Variants in TRAPPC8 observed in about 807,000 individuals in gnomAD.
The protein encoded by TRAPPC8 is trafficking protein particle complex subunit 8.
In TRAPPC8, 54 loss-of-function variants were observed where a neutral mutation model predicts 174.3. That is an observed-to-expected ratio of 0.31 (90% CI 0.25 to 0.39). The LOEUF is 0.39. TRAPPC8 is among the 10% of genes least tolerant of loss of function. The pLI is 1.00. For synonymous variants in TRAPPC8, 630 were observed against 579.9 expected, an observed-to-expected ratio of 1.09 and a Z score of -1.24; for missense variants, 1,531 against 1,699.1, an observed-to-expected ratio of 0.90 and a Z score of 1.74.
At chr18:31,842,973 T>A (rs2033186512) in intron 26 of TRAPPC8, among the ~76,000 whole-genome samples, 1 of 152,210 alleles carries the variant, frequency 6.6e-6, no homozygotes, top group East Asian at 1.9e-4. Flanking sequence ...ATAGTTTTTT[T>A]TTATGTGAAT....
intron 27 of TRAPPC8, among the ~76,000 whole-genome samples, chr18:31,835,118 C>T (rs1212404735): frequency 6.6e-6 from 1 of 152,132 alleles, no homozygotes; most frequent in Non-Finnish European, 1.5e-5. Flanking sequence ...CCCATTCTAA[C>T]AAACACAGTG....
chr18:31,863,161 T>A (rs991189141), intron 19 of TRAPPC8, among the ~76,000 whole-genome samples: 2 of 150,456 alleles, frequency 1.3e-5, no homozygotes, highest in Admixed American at 1.3e-4. Context: ...ATCAGAGAAA[T>A]GTAAATAAAA....
Position 31,849,577 on chromosome 18 carries a change from T to C in TRAPPC8, c.3724A>G (p.Ile1242Val), listed in dbSNP as rs143706885. The C allele has an allele frequency of 9.3e-6, 15 of 1,606,402 alleles. No individual in the cohort carries two copies. The African/African-American group carries it at 1.9e-4, about 20-fold the overall frequency. ...TTAGTAGCACATACCTTCCATAATATGACAATATTCAAATCTACCTCACTG... is the reference window on the plus strand; with the variant it reads ...TTAGTAGCACATACCTTCCATAATACGACAATATTCAAATCTACCTCACTG... ...KCSEVDLNIV[I>V]LWKAYVVEDS... Residue 1242 changes from isoleucine to valine, a missense_variant, in exon 25 of 29, where the codon ATA becomes GTA. Transcript: ENST00000283351.
At chr18:31,848,913 G>A (rs892907021) in intron 25 of TRAPPC8, among the ~76,000 whole-genome samples, 4 of 151,980 alleles carry the variant, frequency 2.6e-5, no homozygotes, top group African/African-American at 7.2e-5. Context: ...ATCTCATTCT[G>A]GTCTGCCATG....
chr18:31,889,481 C>G (rs1160775156), intron 12 of TRAPPC8, among the ~76,000 whole-genome samples: 1 of 152,130 alleles, frequency 6.6e-6, no homozygotes, highest in Non-Finnish European at 1.5e-5. Flanking sequence ...TTCTTTCAAG[C>G]AAAGGAAACC....
chr18:31,914,405 C>A (rs2037047593), intron 4 of TRAPPC8, among the ~76,000 whole-genome samples: 1 of 152,210 alleles, frequency 6.6e-6, no homozygotes, highest in African/African-American at 2.4e-5. Context: ...AAGAACCATT[C>A]ATCTGATACT....
rs1568153937 is a variant in TRAPPC8 at position 31,933,020 on chromosome 18, A to AAAAAAAAAAAAAAAAAAAAAAAG, written c.158-1498_158-1497insCTTTTTTTTTTTTTTTTTTTTTT. On this transcript the variant is annotated intron_variant, in intron 1 of 28. Transcript: ENST00000283351. Reference sequence around the variant, plus strand: ...CTCAAAAAAAAAAAAAAAAAAAAAAAGCCGGGCGCAGTGGCTCACACCTGT... The same window carrying AAAAAAAAAAAAAAAAAAAAAAAG: ...CTCAAAAAAAAAAAAAAAAAAAAAAAAAAAAAAAAAAAAAAAAAAAAAGGCCGGGCGCAGTGGCTCACACCTGT... Among the ~76,000 whole-genome samples the AAAAAAAAAAAAAAAAAAAAAAAG allele has an allele frequency of 1.6e-5, 2 of 128,878 alleles. 1 individual carries two copies. Among genetic ancestry groups the AAAAAAAAAAAAAAAAAAAAAAAG allele is most frequent in the African/African-American group, 6.1e-5 (2 of 32,636 alleles). 84.5% of individuals were successfully genotyped at this position (128,878 alleles called of 152,430 possible).
At chr18:31,925,543 C>T (rs886627995) in intron 2 of TRAPPC8, among the ~76,000 whole-genome samples, 1 of 152,074 alleles carries the variant, frequency 6.6e-6, no homozygotes, top group African/African-American at 2.4e-5. Context: ...ATCCAACTAA[C>T]AGTAGTTTCA....
intron 24 of TRAPPC8, among the ~76,000 whole-genome samples, 170 bp downstream of exon 24, chr18:31,852,276 G>C (rs1016326075): frequency 6.6e-6 from 1 of 152,174 alleles, no homozygotes; most frequent in African/African-American, 2.4e-5. Flanking sequence ...GGGAAGTCGA[G>C]GCTGCAGTGA....
intron 12 of TRAPPC8, among the ~76,000 whole-genome samples, chr18:31,876,111 T>C (rs2035129876): frequency 6.6e-6 from 1 of 152,216 alleles, no homozygotes. Context: ...ATAAATTATA[T>C]GAATGTATGA....
chr18:31,933,300 CAAAA>C (rs770309579), intron 1 of TRAPPC8, among the ~76,000 whole-genome samples: 108 of 91,570 alleles, frequency 1.2e-3, no homozygotes, highest in South Asian at 2.1e-3. Flanking sequence ...GACTCCGTCT[CAAAA>C]AAAAAAAAAA....
chr18:31,909,720 T>G lies in TRAPPC8; in HGVS notation c.812A>C (p.Lys271Thr), dbSNP rs778199985. Residue 271 changes from lysine (K) to threonine (T), a missense_variant, in exon 6 of 29, where the codon AAG becomes ACG. Physicochemically the swap from Lys to Thr is moderately conservative, Grantham distance 78 (BLOSUM62 -1). Transcript: ENST00000283351. ...EDGPCTITSN[K>T]NSDNNLLSLD... ...TGAAAGCAAGTTATTATCAGAATTC[T>G]TATTTGAAGTTATAGTACAAGGGCC... The G allele has an allele frequency of 6.2e-7, 1 of 1,601,796 alleles. No homozygotes were observed. The highest frequency in any genetic ancestry group is 8.5e-7 in the Non-Finnish European group (1 of 1,176,578).
chr18:31,916,707 T>C (rs1014076641), intron 3 of TRAPPC8, among the ~76,000 whole-genome samples: 1 of 152,100 alleles, frequency 6.6e-6, no homozygotes, highest in Admixed American at 6.6e-5. Flanking sequence ...TAATTTTTTA[T>C]ATTTTTTGTA....
chr18:31,898,191 G>T (rs1382202260), intron 10 of TRAPPC8, among the ~76,000 whole-genome samples: 1 of 151,476 alleles, frequency 6.6e-6, no homozygotes, highest in Non-Finnish European at 1.5e-5. Flanking sequence ...TTTTTTATTT[G>T]TATTTTAAAT....
chr18:31,859,201 A>G (rs971754757), intron 19 of TRAPPC8, among the ~76,000 whole-genome samples: 3 of 152,228 alleles, frequency 2.0e-5, no homozygotes, highest in Non-Finnish European at 4.4e-5. Context: ...GTTCTAATAA[A>G]GTTATAGCTG....
rs1234869855 is a variant in TRAPPC8 at position 31,833,996 on chromosome 18, C to T, written c.3984-1823G>A. ...GAGCCTGGGTGACAGAGCAAGACTC[C>T]GTCTCAAAAAAAAAAAACAAAAAAC... On this transcript the variant is annotated intron_variant, in intron 27 of 28. Coordinates refer to ENST00000283351, the MANE Select transcript of TRAPPC8 (RefSeq NM_014939.5). Among the ~76,000 whole-genome samples, 8 of 98,346 alleles carry T rather than the reference C, an allele frequency of 8.1e-5. No individual in the cohort carries two copies. In the East Asian group the frequency reaches 1.4e-3, roughly 17 times the overall value. 64.5% of individuals were successfully genotyped at this position (98,346 alleles called of 152,430 possible).
intron 2 of TRAPPC8, among the ~76,000 whole-genome samples, chr18:31,929,998 GA>G (rs1482415311): frequency 6.6e-6 from 1 of 150,402 alleles, no homozygotes; most frequent in Admixed American, 6.6e-5. Flanking sequence ...AAAGAAAAAA[GA>G]AAAAAATACA....
At chr18:31,857,115 C>T (rs1237801039) in intron 20 of TRAPPC8, among the ~76,000 whole-genome samples, 1 of 152,094 alleles carries the variant, frequency 6.6e-6, no homozygotes, top group Non-Finnish European at 1.5e-5. Context: ...GTTTTTCATA[C>T]ATTCTTGTGG....
intron 12 of TRAPPC8, among the ~76,000 whole-genome samples, chr18:31,887,536 C>T (rs2035771405): frequency 6.6e-6 from 1 of 151,364 alleles, no homozygotes. Flanking sequence ...ACCCCAGCTA[C>T]TTGGAAGGCT....
Sources: allele counts gnomAD v4.1 joint callset (sites outside exome capture counted in the v4.1 genomes callset), GRCh38; gene constraint gnomAD v4.1.1; transcripts MANE v1.5; gene names NCBI Gene and HGNC (gene_info 2026-07-23, HGNC 2026-07-21).